The following GLYATL3 variants were observed in gnomAD, a reference collection of about 807,000 sequenced individuals.
The protein encoded by GLYATL3 is glycine N-acyltransferase-like protein 3.
A neutral mutation model predicts 28.5 loss-of-function variants in GLYATL3; 31 were observed. The observed-to-expected ratio is 1.09, with a 90% confidence interval of 0.82 to 1.47. The LOEUF is 1.47. Among genes scored for constraint, GLYATL3 ranks in the 40% most tolerant of loss-of-function variants. The pLI, the probability that GLYATL3 is intolerant of heterozygous loss-of-function variation, is 0.00. For synonymous variants in GLYATL3, 141 were observed against 140.2 expected (o/e 1.01, Z -0.04); for missense variants, 369 against 351.5 (o/e 1.05, Z -0.40).
At position 49,517,484 on chromosome 6, in the gene GLYATL3, G is replaced by A. The variant is rs892646871; in HGVS notation, c.241G>A (p.Asp81Asn). 6.5e-7 allele frequency: 1 copy of A among 1,550,372 alleles called. No individual in the cohort carries two copies. Among genetic ancestry groups the A allele is most frequent in the Non-Finnish European group, 8.7e-7 (1 of 1,145,946 alleles). Residue 81 changes from aspartate to asparagine, a missense_variant, in exon 4 of 6, where the codon GAT becomes AAT. Transcript: ENST00000371197. The stretch of plus-strand genomic sequence containing the variant: ...TAATGCCTATGCTGTGTTCTACAAG[G>A]ATGTCAGGGCTTATCGACAGCTATT... The part of the protein sequence containing the change: ...YTNAYAVFYK[D>N]VRAYRQLLEE...
chr6:49,521,505 A>T, intron 4 of GLYATL3, 140 bp from the exon 5 acceptor site: 1 of 590,200 alleles, frequency 1.7e-6, no homozygotes, highest in Non-Finnish European at 2.8e-6. Flanking sequence ...ATTTAGATGT[A>T]AGTATACAGT....
At chr6:49,508,842 A>C (rs1157441809) in intron 1 of GLYATL3, among the ~76,000 whole-genome samples, 1 of 151,990 alleles carries the variant, frequency 6.6e-6, no homozygotes, top group East Asian at 1.9e-4. Flanking sequence ...GTCTGCCTAC[A>C]GGTGTGTGCT....
In GLYATL3 at chr6:49,527,118, T is replaced by A. The variant is rs1769436375; in HGVS notation, c.*204T>A. ...AGTAAATAGCTGTGGGGGTGAAGAGTAGCTGTGGCTGAAGACTGAGGACGA... is the reference window on the plus strand; with the variant it reads ...AGTAAATAGCTGTGGGGGTGAAGAGAAGCTGTGGCTGAAGACTGAGGACGA... On this transcript the variant is annotated 3_prime_UTR_variant, in exon 6 of 6. Transcript: ENST00000371197. 1 of 528,428 alleles carries A rather than the reference T, an allele frequency of 1.9e-6. No individual in the cohort carries two copies. Among genetic ancestry groups the A allele is most frequent in the African/African-American group, 1.9e-5 (1 of 52,768 alleles). 32.7% of individuals were successfully genotyped at this position (528,428 alleles called of 1,614,324 possible).
Position 49,518,299 on chromosome 6 carries a change from C to T in GLYATL3, c.313+743C>T, listed in dbSNP as rs533271995. ...TGTGAGGAGATAACGGCATGGCCAT[C>T]AGGGCTTGGGGCAGAACTTTATGCC... On this transcript the variant is annotated intron_variant, in intron 4 of 5. Transcript: ENST00000371197. Among the ~76,000 whole-genome samples, 4 of 152,314 alleles carry T rather than the reference C, an allele frequency of 2.6e-5. No individual in the cohort carries two copies. The East Asian group carries it at 7.7e-4, about 29-fold the overall frequency.
At position 49,521,789 on chromosome 6, in the gene GLYATL3, T is replaced by C. The variant is rs1223868917; in HGVS notation, c.440+18T>C. The C allele has an allele frequency of 6.5e-7, 1 of 1,549,650 alleles. No individual in the cohort carries two copies. Among genetic ancestry groups the C allele is most frequent in the Non-Finnish European group, 8.7e-7 (1 of 1,145,962 alleles). On this transcript the variant is annotated intron_variant, in intron 5 of 5. Transcript: ENST00000371197. ...AGTTTCCTGTATGTAAACCAAGTTT[T>C]TGCATTTGGGGCAGGACTTACTGCT...
rs573668150 is a variant in GLYATL3 at position 49,523,925 on chromosome 6, A to C, written c.440+2154A>C. ...TGTATGCCTGAGGTATTATTTTAAA[A>C]TTTCCTCTGTCCAGTCAAGCCTTTT... On this transcript the variant is annotated intron_variant, in intron 5 of 5. Transcript: ENST00000371197. Among the ~76,000 whole-genome samples, 282 of 151,516 alleles carry C rather than the reference A, an allele frequency of 1.9e-3. 1 individual carries two copies. Among genetic ancestry groups the C allele is most frequent in the African/African-American group, 6.1e-3 (250 of 41,310 alleles).
At chr6:49,513,440 G>GT (rs1271138884) in intron 2 of GLYATL3, among the ~76,000 whole-genome samples, 1 of 152,054 alleles carries the variant, frequency 6.6e-6, no homozygotes, top group Non-Finnish European at 1.5e-5. Flanking sequence ...AATAAGTTAT[G>GT]TTTTTTCTTT....
intron 1 of GLYATL3, among the ~76,000 whole-genome samples, chr6:49,503,625 A>T (rs1215379825): frequency 6.6e-6 from 1 of 152,248 alleles, no homozygotes; most frequent in Non-Finnish European, 1.5e-5. Flanking sequence ...AGAATTAAAT[A>T]ACACACTCCT....
chr6:49,520,825 G>T (rs1284920075), intron 4 of GLYATL3, among the ~76,000 whole-genome samples: 1 of 151,988 alleles, frequency 6.6e-6, no homozygotes, highest in East Asian at 1.9e-4. Flanking sequence ...AGACCAACCT[G>T]GACTTATAGG....
intron 5 of GLYATL3, among the ~76,000 whole-genome samples, chr6:49,523,395 C>G (rs1769349319): frequency 6.6e-6 from 1 of 152,222 alleles, no homozygotes; most frequent in Admixed American, 6.5e-5. Context: ...ATTAGACACT[C>G]AGTGCCCAGG....
At chr6:49,508,168 C>A (rs535480615) in intron 1 of GLYATL3, among the ~76,000 whole-genome samples, 1 of 151,756 alleles carries the variant, frequency 6.6e-6, no homozygotes, top group Non-Finnish European at 1.5e-5. Flanking sequence ...TGGTGGCGGG[C>A]GCCTGTAGTC....
Position 49,507,267 on chromosome 6 carries a change from A to G in GLYATL3, c.-28-4696A>G, listed in dbSNP as rs1769027194. ...CAGATGGAAAAGGAAGTAAAGCAAC[A>G]TGAATAAGAGCCCAGTCAGTCCAAA... On this transcript the variant is annotated intron_variant, in intron 1 of 5. Coordinates refer to ENST00000371197, the MANE Select transcript of GLYATL3 (RefSeq NM_001010904.2). 2.0e-5 allele frequency among the ~76,000 whole-genome samples: 3 copies of G among 152,138 alleles called. No homozygotes were observed. In the South Asian group the frequency reaches 6.2e-4, roughly 32 times the overall value.
chr6:49,526,241 C>A (rs1037823927), intron 5 of GLYATL3, among the ~76,000 whole-genome samples: 1 of 152,122 alleles, frequency 6.6e-6, no homozygotes, highest in East Asian at 1.9e-4. Flanking sequence ...TCGTGAAATC[C>A]CGTCTCTACT....
chr6:49,502,003 T>C (rs10755760), intron 1 of GLYATL3, among the ~76,000 whole-genome samples: 94,084 of 152,076 alleles, frequency 0.62, 31,071 homozygotes, highest in Non-Finnish European at 0.76. Context: ...GTGCTATTGG[T>C]TCATTCTGGC....
intron 1 of GLYATL3, among the ~76,000 whole-genome samples, chr6:49,510,558 C>T (rs17663627): frequency 0.085 from 12,913 of 151,970 alleles, 624 homozygotes; most frequent in Non-Finnish European, 0.11. Context: ...ATATTGAATT[C>T]GAATAAATAA....
chr6:49,515,897 C>T, intron 3 of GLYATL3, 137 bp downstream of exon 3: 1 of 612,994 alleles, frequency 1.6e-6, no homozygotes, highest in Non-Finnish European at 2.9e-6. Flanking sequence ...TTCTTTCTTT[C>T]TTTCCCTTCT....
At position 49,526,373 on chromosome 6, in the gene GLYATL3, A is replaced by T. The variant is rs974469268; in HGVS notation, c.441-115A>T. 1.8e-5 allele frequency: 15 copies of T among 827,382 alleles called. No homozygotes were observed. In the African/African-American group the frequency reaches 2.4e-4, roughly 13 times the overall value. The allele number at this position is 827,382 out of a possible 1,614,324, so 51.3% of individuals were successfully genotyped here. On this transcript the variant is annotated intron_variant, in intron 5 of 5. Coordinates refer to ENST00000371197, the MANE Select transcript of GLYATL3 (RefSeq NM_001010904.2). ...GGTTGCAGTGAGCAGAGATCACGCC[A>T]CTGCACTCCAGCCTGGGCGACAGAG...
intron 5 of GLYATL3, among the ~76,000 whole-genome samples, chr6:49,524,917 T>C (rs1046969159): frequency 1.4e-5 from 2 of 146,964 alleles, no homozygotes; most frequent in African/African-American, 5.1e-5. Flanking sequence ...GGGGCAGAGG[T>C]TGCAGTGAGC....
intron 5 of GLYATL3, among the ~76,000 whole-genome samples, chr6:49,525,378 C>T (rs1280796833): frequency 4.6e-5 from 7 of 151,488 alleles, no homozygotes; most frequent in Non-Finnish European, 8.8e-5. Flanking sequence ...CCAGCCTAGC[C>T]AAAATGGTGA....
Sources: gnomAD v4.1 joint callset for allele counts (sites outside exome capture counted in the v4.1 genomes callset) on GRCh38, gnomAD v4.1.1 for gene constraint, MANE v1.5 for transcripts, NCBI Gene and HGNC (gene_info 2026-07-23, HGNC 2026-07-21) for gene names.